The following TEX2 variants were observed in gnomAD, a reference collection of about 807,000 sequenced individuals.
TEX2 encodes testis expressed 2.
Under a neutral mutation model 106.9 loss-of-function variants are expected in TEX2, and 53 were observed. The ratio of observed to expected loss-of-function variants is 0.50; its 90% confidence interval spans 0.40 to 0.62. TEX2 has a LOEUF of 0.62. Ranked by LOEUF, TEX2 falls within the 20% of genes least tolerant of loss-of-function variation. The probability of loss-of-function intolerance (pLI) is 0.00; values close to 1 mark genes in which losing one functional copy is unlikely to be tolerated. For missense variants in TEX2, 1,207 were observed against 1,379.0 expected, an observed-to-expected ratio of 0.88 and a Z score of 1.98; for synonymous variants, 523 against 534.8, an observed-to-expected ratio of 0.98 and a Z score of 0.30.
chr17:64,237,058 T>C lies in TEX2; in HGVS notation c.-25-22816A>G, dbSNP rs79029202. ...AATCAATGCAAGAACTAGGAAGTGA[T>C]GTGAAGGGCACCAAGAGATCACAGT... On this transcript the variant is annotated intron_variant, in intron 1 of 11. Transcript: ENST00000584379. Among the ~76,000 whole-genome samples the C allele has an allele frequency of 1.8e-4, 28 of 152,296 alleles. No individual in the cohort carries two copies. In the East Asian group the frequency reaches 5.4e-3, roughly 29 times the overall value.
chr17:64,230,610 G>C (rs950355576), intron 1 of TEX2: 1 of 152,218 alleles, frequency 6.6e-6, no homozygotes. Context: ...AACACAGACC[G>C]AGTGAGGCCA....
chr17:64,196,278 G>C (rs1555629281), intron 2 of TEX2, among the ~76,000 whole-genome samples: 1 of 152,196 alleles, frequency 6.6e-6, no homozygotes, highest in African/African-American at 2.4e-5. Context: ...AAAGAGTAGA[G>C]AATTAGGTCT....
chr17:64,184,801 T>C (rs1304543177), intron 5 of TEX2, among the ~76,000 whole-genome samples: 4 of 152,212 alleles, frequency 2.6e-5, no homozygotes, highest in Non-Finnish European at 5.9e-5. Context: ...CTCTTGCCCA[T>C]AGATATCCAG....
Position 64,213,561 on chromosome 17 carries a change from C to T in TEX2, c.657G>A (p.Lys219=). The part of the protein sequence containing the change: ...RHRHLMKTLV[K]SLSTDTSRQE... ...GCCGGGAAGTGTCCGTGGACAGAGA[C>T]TTGACTAATGTCTTCATCAAGTGCC... Residue 219 remains lysine, a synonymous_variant, in exon 2 of 12, where the codon AAG becomes AAA. Transcript: ENST00000584379. This position sits in a 1 kb window ranked among gnomAD's most constrained non-coding sequence, Gnocchi z 4.4. The T allele has an allele frequency of 6.2e-7, 1 of 1,614,148 alleles. No homozygotes were observed. Among genetic ancestry groups the T allele is most frequent in the Non-Finnish European group, 8.5e-7 (1 of 1,180,010 alleles).
chr17:64,213,456 T>G lies in TEX2; in HGVS notation c.762A>C (p.Arg254=). ...CAGTTTTGGAATCTCCACCTGTGTTTCGGGGCTGTGTGAACTGCTTGAACA... is the reference window on the plus strand; with the variant it reads ...CAGTTTTGGAATCTCCACCTGTGTTGCGGGGCTGTGTGAACTGCTTGAACA... ...LHLFKQFTQP[R]NTGGDSKTAP... is the part of the protein sequence containing the mutation. Residue 254 remains arginine, a synonymous_variant, in exon 2 of 12, where the codon CGA becomes CGC. Transcript: ENST00000584379. The surrounding 1 kb of genome is among the most constrained non-coding windows in gnomAD (Gnocchi z 4.4). 1.2e-6 allele frequency: 2 copies of G among 1,614,168 alleles called. No homozygotes were observed. The highest frequency in any genetic ancestry group is 2.2e-5 in the East Asian group (1 of 44,882).
intron 4 of TEX2, 109 bp downstream of exon 4, chr17:64,193,450 C>T (rs775943209): frequency 8.6e-5 from 74 of 855,688 alleles, no homozygotes; most frequent in Non-Finnish European, 1.2e-4. Flanking sequence ...AGACAACCAT[C>T]AGTTCAGGGT....
chr17:64,231,556 A>T (rs2033659039), intron 1 of TEX2, among the ~76,000 whole-genome samples: 1 of 152,144 alleles, frequency 6.6e-6, no homozygotes, highest in Non-Finnish European at 1.5e-5. Flanking sequence ...CATCCACTCT[A>T]TCTTGTTTCA....
In TEX2 at chr17:64,154,849, C is replaced by G; in HGVS notation, c.2923G>C (p.Ala975Pro). The G allele has an allele frequency of 6.2e-7, 1 of 1,602,970 alleles. No individual in the cohort carries two copies. The change falls in exon 9 of 12, where the codon GCT (alanine) becomes CCT (proline). Residue 975 changes from alanine to proline, a missense_variant. Ala to Pro is a conservative substitution (Grantham distance 27). Transcript: ENST00000584379. ...SGGDKQLLPG[A>P]EGYVGGHRTS... Reference sequence around the variant, plus strand: ...AAGCACTGATCCACTCACCCTTCAGCCCCTGGGAGGAGCTGTTTGTCTCCC... The same window carrying G: ...AAGCACTGATCCACTCACCCTTCAGGCCCTGGGAGGAGCTGTTTGTCTCCC...
Position 64,214,297 on chromosome 17 carries a change from G to C in TEX2, c.-25-55C>G, listed in dbSNP as rs782649750. ...AGAGAGCAGTTTCTCCACAGGAGACGCTGTCATTCGCAGATAGGAGCACAG... is the reference window on the plus strand; with the variant it reads ...AGAGAGCAGTTTCTCCACAGGAGACCCTGTCATTCGCAGATAGGAGCACAG... On this transcript the variant is annotated intron_variant, in intron 1 of 11. Coordinates refer to ENST00000584379, the MANE Select transcript of TEX2 (RefSeq NM_001288732.2). The C allele has an allele frequency of 9.9e-6, 14 of 1,414,604 alleles. No homozygotes were observed. In the South Asian group the frequency reaches 1.7e-4, roughly 17 times the overall value. The allele number at this position is 1,414,604 out of a possible 1,614,324, so 87.6% of individuals were successfully genotyped here.
chr17:64,229,062 A>AC (rs1415745239), intron 1 of TEX2, among the ~76,000 whole-genome samples: 1 of 151,806 alleles, frequency 6.6e-6, no homozygotes, highest in African/African-American at 2.4e-5. Context: ...ACCATTAGAA[A>AC]CAACGCTGCC....
chr17:64,225,074 CAAGTA>C (rs782197195), intron 1 of TEX2, among the ~76,000 whole-genome samples: 1 of 151,422 alleles, frequency 6.6e-6, no homozygotes, highest in African/African-American at 2.4e-5. Context: ...TGGTACTTAT[CAAGTA>C]AAGAAGTCTG....
intron 5 of TEX2, among the ~76,000 whole-genome samples, chr17:64,182,192 T>A (rs2143818975): frequency 6.6e-6 from 1 of 152,254 alleles, no homozygotes; most frequent in Non-Finnish European, 1.5e-5. Flanking sequence ...GGATGAATCT[T>A]GAGGTCATTA....
chr17:64,189,502 C>T (rs541416967), intron 4 of TEX2, among the ~76,000 whole-genome samples: 22 of 152,166 alleles, frequency 1.4e-4, no homozygotes, highest in South Asian at 6.2e-4. Context: ...AAGCATAGTA[C>T]GGGGGGCAGA....
In TEX2 at chr17:64,214,112, T is replaced by C; in HGVS notation, c.106A>G (p.Ile36Val). The C allele has an allele frequency of 1.2e-6, 2 of 1,614,166 alleles. No individual in the cohort carries two copies. Among genetic ancestry groups the C allele is most frequent in the Non-Finnish European group, 1.7e-6 (2 of 1,180,034 alleles). ...QRSVSRDTIA[I>V]HFSASGEEEE... ...TCCTCGCCGGATGCCGAGAAGTGAA[T>C]GGCGATGGTATCTCGGGACACGGAC... Residue 36 changes from isoleucine (I) to valine (V), a missense_variant, in exon 2 of 12, where the codon ATT (isoleucine) becomes GTT (valine). By Grantham distance (29) the Ile-to-Val change is conservative (BLOSUM62 3). This residue lies in a region of TEX2 where 1,067 missense variants were observed against 1,193.6 expected (regional missense o/e 0.89). Coordinates refer to ENST00000584379, the MANE Select transcript of TEX2 (RefSeq NM_001288732.2).
intron 5 of TEX2, among the ~76,000 whole-genome samples, chr17:64,183,435 T>A (rs2031958137): frequency 6.6e-6 from 1 of 152,164 alleles, no homozygotes; most frequent in Admixed American, 6.5e-5. Context: ...TCTTTCTTTC[T>A]TTCTTTTTTG....
intron 8 of TEX2, 86 bp downstream of exon 8, chr17:64,160,715 C>G (rs1478740644): frequency 1.3e-6 from 2 of 1,530,336 alleles, no homozygotes; most frequent in Non-Finnish European, 1.8e-6. Context: ...CCAGGGGCCA[C>G]TACACATCAA....
intron 1 of TEX2, among the ~76,000 whole-genome samples, chr17:64,219,672 T>C (rs1014567790): frequency 1.3e-5 from 2 of 151,366 alleles, no homozygotes; most frequent in African/African-American, 4.9e-5. Flanking sequence ...AAAAGGCAGA[T>C]GGAAAGAGAA....
Position 64,177,420 on chromosome 17 carries a change from C to A in TEX2, c.2476G>T (p.Ala826Ser), listed in dbSNP as rs2031658989. Residue 826 changes from alanine (A) to serine (S), a missense_variant, in exon 6 of 12, where the codon GCC becomes TCC. This residue lies in a region of TEX2 where 1,067 missense variants were observed against 1,193.6 expected (regional missense o/e 0.89). Coordinates refer to ENST00000584379, the MANE Select transcript of TEX2 (RefSeq NM_001288732.2). The part of the protein sequence containing the change: ...EEEEQEAWVN[A>S]LLGRIFWDFL... ...TCCCAAAATATTCTTCCAAGCAAGG[C>A]ATTCACCCAGGCTTCCTGTTCTTCC... 6.2e-7 allele frequency: 1 copy of A among 1,614,198 alleles called. No homozygotes were observed. Among genetic ancestry groups the A allele is most frequent in the Non-Finnish European group, 8.5e-7 (1 of 1,180,038 alleles).
chr17:64,191,582 CAAGGTG>C (rs976715949), intron 4 of TEX2, among the ~76,000 whole-genome samples: 5 of 152,060 alleles, frequency 3.3e-5, no homozygotes, highest in Non-Finnish European at 4.4e-5. Flanking sequence ...TTTGGGAGGC[CAAGGTG>C]GGCGGTTCAC....
Sources: gnomAD v4.1 joint callset for allele counts (sites outside exome capture counted in the v4.1 genomes callset) on GRCh38, gnomAD v4.1.1 for gene constraint, gnomAD v4.1.1 regional missense constraint, Gnocchi (gnomAD v3.1) non-coding constraint, MANE v1.5 for transcripts, NCBI Gene and HGNC (gene_info 2026-07-23, HGNC 2026-07-21) for gene names.